BCAR1: variants seen among roughly 807,000 people sequenced by gnomAD.
BCAR1 encodes breast cancer anti-estrogen resistance protein 1.
A neutral mutation model predicts 67.6 loss-of-function variants in BCAR1; 30 were observed. The ratio of observed to expected loss-of-function variants is 0.44; its 90% CI spans 0.33 to 0.60. The LOEUF (loss-of-function observed/expected upper bound fraction) is 0.60, where lower values mean the gene tolerates loss of function less well. BCAR1 is among the 20% of genes least tolerant of loss of function. BCAR1 has a pLI of 0.02. For synonymous variants in BCAR1, 626 were observed against 556.7 expected, an observed-to-expected ratio of 1.12 and a Z score of -1.75; for missense variants, 1,313 against 1,222.3, an observed-to-expected ratio of 1.07 and a Z score of -1.11.
chr16:75,263,295 T>C (rs1359854269), intron 1 of BCAR1: 2 of 985,268 alleles, frequency 2.0e-6, no homozygotes, highest in African/African-American at 1.7e-5. Flanking sequence ...AAACATGGAC[T>C]CCCAAGCCAA....
At chr16:75,248,138 C>A in intron 1 of BCAR1, 1 of 1,594,674 alleles carries the variant, frequency 6.3e-7, no homozygotes, top group Non-Finnish European at 8.5e-7. Context: ...CAGAGGCCGA[C>A]CCCAGGCTGA....
At chr16:75,234,224 G>GA (rs1341613253) in intron 5 of BCAR1, among the ~76,000 whole-genome samples, 2 of 149,184 alleles carry the variant, frequency 1.3e-5, no homozygotes, top group East Asian at 4.0e-4. Flanking sequence ...GGCATATGTG[G>GA]GACACAGCCC....
At position 75,235,498 on chromosome 16, in the gene BCAR1, C is replaced by T. The variant is rs764816297; in HGVS notation, c.1401G>A (p.Gln467=). 6.3e-7 allele frequency: 1 copy of T among 1,599,412 alleles called. No individual in the cohort carries two copies. The highest frequency in any genetic ancestry group is 8.5e-7 in the Non-Finnish European group (1 of 1,174,126). The change falls in exon 5 of 7, where the codon CAG becomes CAA. Residue 467 remains glutamine, a synonymous_variant. Transcript: ENST00000162330. ...GGGCAACGGTGGCGCTCACACCCTG[C>T]TGCAGCCGTGCCAGGGCCTCCACAG... is the stretch of plus-strand genomic sequence containing the variant. The part of the protein sequence containing the change: ...EVAVEALARL[Q]QGVSATVAHL...
In BCAR1 at chr16:75,263,285, A is replaced by G. The variant is rs530292724; in HGVS notation, c.66+4630T>C. ...GGGGTGGCCAGCACCTGCCACCCCT[A>G]AACATGGACTCCCAAGCCAATGCCA... On this transcript the variant is annotated intron_variant, in intron 1 of 6. Transcript: ENST00000393422. 23 of 985,376 alleles carry G rather than the reference A, an allele frequency of 2.3e-5. No individual in the cohort carries two copies. The African/African-American group carries it at 4.0e-4, about 17-fold the overall frequency. The allele number at this position is 985,376 out of a possible 1,614,324, so 61.0% of individuals were successfully genotyped here. A position where few individuals can be genotyped will look rare whatever the true frequency, so the allele number is the denominator to read the frequency against.
At chr16:75,265,908 C>T in intron 1 of BCAR1, 1 of 1,118,092 alleles carries the variant, frequency 8.9e-7, no homozygotes, top group Non-Finnish European at 1.1e-6. Context: ...GCCCGCGCCG[C>T]TCAGAGGCCC....
At chr16:75,238,531 G>A (rs1326405332) in intron 2 of BCAR1, 1 of 993,044 alleles carries the variant, frequency 1.0e-6, no homozygotes, top group East Asian at 1.1e-4. Flanking sequence ...TGCTGTGAGG[G>A]GGGCGCTGAG....
At chr16:75,251,252 G>A (rs999419681) in intron 1 of BCAR1, among the ~76,000 whole-genome samples, 2 of 151,638 alleles carry the variant, frequency 1.3e-5, no homozygotes, top group Non-Finnish European at 2.9e-5. Context: ...CCCCGCGCCC[G>A]GCCCCGCCAA....
At chr16:75,237,046 G>A (rs770793743) in intron 3 of BCAR1, 48 bp from the exon 4 acceptor site, 21 of 1,541,804 alleles carry the variant, frequency 1.4e-5, no homozygotes, top group African/African-American at 5.4e-5. Flanking sequence ...CCACTTGGGG[G>A]AATAGGAAAG....
At position 75,235,905 on chromosome 16, in the gene BCAR1, C is replaced by T. The variant is rs1567594558; in HGVS notation, c.994G>A (p.Ala332Thr). Residue 332 changes from alanine to threonine, a missense_variant, in exon 5 of 7, where the codon GCC (alanine) becomes ACC (threonine). Coordinates refer to ENST00000162330, the MANE Select transcript of BCAR1 (RefSeq NM_014567.5). ...TCAAAGGGCTTGGCCTTGGCGAAGG[C>T]GGGGGGCACATCGTAGGTCTCCTCA... ...LREETYDVPP[A>T]FAKAKPFDPA... is the part of the protein sequence containing the mutation. 17 of 1,564,566 alleles carry T rather than the reference C, an allele frequency of 1.1e-5. No individual in the cohort carries two copies. Among genetic ancestry groups the T allele is most frequent in the East Asian group, 4.7e-5 (2 of 42,402 alleles).
intron 2 of BCAR1, 120 bp downstream of exon 2, chr16:75,242,350 C>T (rs1249411704): frequency 1.5e-6 from 2 of 1,302,066 alleles, no homozygotes; most frequent in Non-Finnish European, 1.9e-6. Context: ...TGACCCCAGA[C>T]CAAACACACA....
At chr16:75,254,700 G>C (rs1283399161), upstream of BCAR1, among the ~76,000 whole-genome samples, 4 of 152,222 alleles carry the variant, frequency 2.6e-5, no homozygotes, top group Non-Finnish European at 5.9e-5. Flanking sequence ...CGGGGCACCA[G>C]CACAGGGCCC....
At chr16:75,230,823 T>C (rs2076876716) in intron 6 of BCAR1, among the ~76,000 whole-genome samples, 1 of 152,212 alleles carries the variant, frequency 6.6e-6, no homozygotes, top group South Asian at 2.1e-4. Context: ...AGGCAGCCAC[T>C]TGGTGAAATC....
chr16:75,239,125 A>G, intron 2 of BCAR1: 1 of 984,338 alleles, frequency 1.0e-6, no homozygotes, highest in South Asian at 4.7e-5. Flanking sequence ...AGAAAAACAG[A>G]GCAACGCAGC....
rs1310535400 is a variant in BCAR1, at chr16:75,228,581, G to A, written c.*930C>T. 6.6e-6 allele frequency: 1 copy of A among 152,348 alleles called. No homozygotes were observed. Among genetic ancestry groups the A allele is most frequent in the Non-Finnish European group, 1.5e-5 (1 of 68,116 alleles). 9.4% of individuals were successfully genotyped at this position (152,348 alleles called of 1,614,324 possible). ...CTTCGGGAGTTCCGCAGGCTGGGATGAGATTCTTTTAAGCAGAGCTCTGGA... is the reference window on the plus strand; with the variant it reads ...CTTCGGGAGTTCCGCAGGCTGGGATAAGATTCTTTTAAGCAGAGCTCTGGA... On this transcript the variant is annotated 3_prime_UTR_variant, in exon 7 of 7. Transcript: ENST00000162330.
Position 75,229,579 on chromosome 16 carries a change from T to A in BCAR1, c.2545A>T (p.Arg849Trp). ...SPSAAQDMVE[R>W]VKELGHSTQQ... is the part of the protein sequence containing the mutation. ...GTGCTGTGGCCCAGCTCCTTGACCC[T>A]CTCCACCATGTCCTGGGCCGCGGAA... The change falls in exon 7 of 7, where the codon AGG (arginine) becomes TGG (tryptophan). Residue 849 changes from arginine (R) to tryptophan (W), a missense_variant. Physicochemically the swap from Arg to Trp is moderately radical, Grantham distance 101 (BLOSUM62 -3). This residue lies in a region of BCAR1 where 1,272 missense variants were observed against 1,137.5 expected (regional missense o/e 1.12). Transcript: ENST00000162330. 1 of 1,610,444 alleles carries A rather than the reference T, an allele frequency of 6.2e-7. No individual in the cohort carries two copies. The highest frequency in any genetic ancestry group is 8.5e-7 in the Non-Finnish European group (1 of 1,179,216).
chr16:75,252,869 G>T (rs2077707796), upstream of BCAR1, among the ~76,000 whole-genome samples: 1 of 152,188 alleles, frequency 6.6e-6, no homozygotes, highest in Non-Finnish European at 1.5e-5. Context: ...TCTGAAAAGG[G>T]GCTAGGACAG....
chr16:75,235,571 G>A lies in BCAR1; in HGVS notation c.1328C>T (p.Ser443Phe), dbSNP rs2077085983. The A allele has an allele frequency of 6.3e-7, 1 of 1,596,710 alleles. No individual in the cohort carries two copies. Among genetic ancestry groups the A allele is most frequent in the African/African-American group, 1.3e-5 (1 of 74,662 alleles). The change falls in exon 5 of 7, where the codon TCC (serine) becomes TTC (phenylalanine). Residue 443 changes from serine to phenylalanine, a missense_variant. Transcript: ENST00000162330. The stretch of plus-strand genomic sequence containing the variant: ...CCGGCCCGGCCCTGCCACCTCCAAG[G>A]AGGACGCAGACTGGCTGCTGCGTGT... ...GSTRSSQSAS[S>F]LEVAGPGREP...
upstream of BCAR1, chr16:75,251,635 C>A: frequency 1.0e-6 from 1 of 1,004,310 alleles, no homozygotes; most frequent in Non-Finnish European, 1.2e-6. Context: ...AGCCGCTCTC[C>A]GCCTGCCGCC....
intron 5 of BCAR1, among the ~76,000 whole-genome samples, chr16:75,234,685 G>T (rs775659016): frequency 6.6e-6 from 1 of 152,230 alleles, no homozygotes; most frequent in African/African-American, 2.4e-5. Flanking sequence ...GGTCACCAGA[G>T]ATACCAGCCC....
Sources: gnomAD v4.1 joint callset for allele counts (sites outside exome capture counted in the v4.1 genomes callset) on GRCh38, gnomAD v4.1.1 for gene constraint, gnomAD v4.1.1 regional missense constraint, MANE v1.5 for transcripts, NCBI Gene and HGNC (gene_info 2026-07-23, HGNC 2026-07-21) for gene names.